The following PHTF2 variants were observed in gnomAD, a reference collection of about 807,000 sequenced individuals.
The protein encoded by PHTF2 is protein PHTF2.
In PHTF2, 60 loss-of-function variants were observed where a neutral mutation model predicts 101.2. The ratio of observed to expected loss-of-function variants is 0.59; its 90% confidence interval spans 0.48 to 0.73. PHTF2 has a LOEUF of 0.73. Ranked by LOEUF, PHTF2 falls within the 30% of genes least tolerant of loss-of-function variation. The pLI is 0.00. For synonymous variants in PHTF2, 311 were observed against 307.3 expected (o/e 1.01, Z -0.13); for missense variants, 747 against 908.7 (o/e 0.82, Z 2.29).
chr7:77,926,128 T>A (rs1355737962), intron 11 of PHTF2, among the ~76,000 whole-genome samples: 1 of 152,150 alleles, frequency 6.6e-6, no homozygotes, highest in Non-Finnish European at 1.5e-5. Flanking sequence ...ATTATAGATA[T>A]TTTCTTAATC....
intron 1 of PHTF2, among the ~76,000 whole-genome samples, chr7:77,825,255 C>A (rs142159699): frequency 1.1e-3 from 168 of 152,202 alleles, no homozygotes; most frequent in African/African-American, 3.9e-3. Context: ...TGAGAAGATA[C>A]TAGTTGTATA....
chr7:77,860,655 A>C (rs1197380891), intron 3 of PHTF2, among the ~76,000 whole-genome samples: 4 of 152,168 alleles, frequency 2.6e-5, no homozygotes, highest in African/African-American at 9.7e-5. Context: ...CCTTCTGTTC[A>C]CTTTTGCTAA....
exon 20 of PHTF2, chr7:77,956,111 C>T (rs771077633): frequency 6.6e-6 from 1 of 152,382 alleles, no homozygotes; most frequent in Non-Finnish European, 1.5e-5. Context: ...TTTGTACAAT[C>T]GAGTATTTTA....
intron 10 of PHTF2, 112 bp downstream of exon 9, chr7:77,920,577 T>C: frequency 1.3e-6 from 1 of 741,314 alleles, no homozygotes; most frequent in Non-Finnish European, 2.3e-6. Context: ...GAATTAATTC[T>C]GTGAGCGTTT....
chr7:77,871,552 G>A (rs1798519008), intron 3 of PHTF2, among the ~76,000 whole-genome samples: 1 of 152,168 alleles, frequency 6.6e-6, no homozygotes, highest in South Asian at 2.1e-4. Flanking sequence ...TAGGGGTGAT[G>A]GTAAGTGGTG....
At chr7:77,867,918 G>T (rs1798198243) in intron 3 of PHTF2, among the ~76,000 whole-genome samples, 1 of 152,200 alleles carries the variant, frequency 6.6e-6, no homozygotes, top group South Asian at 2.1e-4. Flanking sequence ...AATTTACAAA[G>T]TTGGCAGAAC....
chr7:77,842,369 A>G (rs1218530084), intron 2 of PHTF2, among the ~76,000 whole-genome samples: 1 of 152,030 alleles, frequency 6.6e-6, no homozygotes. Flanking sequence ...ATGCCCAGCT[A>G]GATCTTGTAT....
At chr7:77,835,292 G>GA (rs902868894) in intron 1 of PHTF2, among the ~76,000 whole-genome samples, 175 of 139,890 alleles carry the variant, frequency 1.3e-3, no homozygotes, top group Admixed American at 2.9e-3. Context: ...AAAAAAACAA[G>GA]AAAAAAAAAA....
chr7:77,868,963 A>T (rs1798301786), intron 3 of PHTF2, among the ~76,000 whole-genome samples: 1 of 152,176 alleles, frequency 6.6e-6, no homozygotes, highest in African/African-American at 2.4e-5. Context: ...ATAAATATAG[A>T]TCCTATTCGT....
chr7:77,804,422 T>G (rs936284049), intron 1 of PHTF2, among the ~76,000 whole-genome samples: 4 of 152,136 alleles, frequency 2.6e-5, no homozygotes, highest in African/African-American at 2.4e-5. Context: ...TTCTCCTGGG[T>G]TTAAGCAATT....
intron 19 of PHTF2, 95 bp downstream of exon 18, chr7:77,953,989 G>T: frequency 3.3e-6 from 3 of 909,816 alleles, no homozygotes; most frequent in South Asian, 1.8e-5. Flanking sequence ...CGGTCATTTT[G>T]GTAAGATTGC....
intron 1 of PHTF2, among the ~76,000 whole-genome samples, chr7:77,807,255 T>C (rs1021941348): frequency 1.3e-5 from 2 of 152,206 alleles, no homozygotes; most frequent in South Asian, 4.1e-4. Flanking sequence ...TACACAGAAA[T>C]GTGATTGTTG....
intron 9 of PHTF2, among the ~76,000 whole-genome samples, chr7:77,912,710 CTTTTTTTTTTTTTT>C (rs536966733): frequency 3.1e-4 from 25 of 80,460 alleles, no homozygotes; most frequent in Admixed American, 8.3e-4. Flanking sequence ...AGAGAACCAC[CTTTTTTTTTTTTTT>C]TTTTTTTTTT....
intron 2 of PHTF2, among the ~76,000 whole-genome samples, chr7:77,849,237 C>T (rs1220826515): frequency 2.0e-5 from 3 of 151,946 alleles, no homozygotes; most frequent in Non-Finnish European, 4.4e-5. Context: ...GATTCTCCTG[C>T]CTCAGCCTCC....
chr7:77,935,123 C>G (rs796435651), intron 12 of PHTF2, among the ~76,000 whole-genome samples: 80 of 64,642 alleles, frequency 1.2e-3, no homozygotes, highest in African/African-American at 2.5e-3. Flanking sequence ...TGTACATTCC[C>G]CCCCCCCACA....
intron 11 of PHTF2, chr7:77,923,368 G>GT: frequency 1.0e-6 from 1 of 972,444 alleles, no homozygotes; most frequent in Non-Finnish European, 1.2e-6. Context: ...AAATTACACT[G>GT]TTTATCACTT....
intron 9 of PHTF2, among the ~76,000 whole-genome samples, chr7:77,917,160 A>G (rs561270686): frequency 6.6e-6 from 1 of 151,982 alleles, no homozygotes; most frequent in Middle Eastern, 3.4e-3. Flanking sequence ...ATTTATTTTG[A>G]TGATCAGATC....
chr7:77,906,493 C>T (rs1456806119), intron 7 of PHTF2: 6 of 152,110 alleles, frequency 3.9e-5, no homozygotes, highest in Admixed American at 1.3e-4. Flanking sequence ...GTCAGAATTT[C>T]ACAGTATGTA....
At chr7:77,851,743 A>G (rs1183984547) in intron 2 of PHTF2, among the ~76,000 whole-genome samples, 2 of 150,346 alleles carry the variant, frequency 1.3e-5, no homozygotes, top group Non-Finnish European at 3.0e-5. Context: ...TTCTTCTACT[A>G]CTGATTCTGG....
Sources: allele counts gnomAD v4.1 joint callset (sites outside exome capture counted in the v4.1 genomes callset), GRCh38; gene constraint gnomAD v4.1.1; transcripts MANE v1.5; gene names NCBI Gene and HGNC (gene_info 2026-07-23, HGNC 2026-07-21).